Variants in ZDHHC15 observed in about 807,000 individuals in gnomAD.
The protein encoded by ZDHHC15 is palmitoyltransferase ZDHHC15.
A neutral mutation model predicts 31.7 loss-of-function variants in ZDHHC15; 19 were observed. That is an observed-to-expected ratio of 0.60 (90% CI 0.42 to 0.88). The LOEUF is 0.88. Among genes scored for constraint, ZDHHC15 ranks in the 40% least tolerant of loss-of-function variants. The probability of loss-of-function intolerance (pLI) is 0.00; values close to 1 mark genes in which losing one functional copy is unlikely to be tolerated. For synonymous variants in ZDHHC15, 103 were observed against 90.0 expected (o/e 1.14, Z -0.82); for missense variants, 209 against 251.2 (o/e 0.83, Z 1.14).
At chrX:75,455,291 G>T (rs895801988) in intron 3 of ZDHHC15, among the ~76,000 whole-genome samples, 1 of 111,512 alleles carries the variant, frequency 9.0e-6, no homozygotes, top group South Asian at 3.8e-4. Context: ...TTAATAAATG[G>T]TGCTGGGAAA....
chrX:75,373,743 T>A (rs1209130737), intron 11 of ZDHHC15, among the ~76,000 whole-genome samples: 6 of 110,998 alleles, frequency 5.4e-5, no homozygotes, highest in Non-Finnish European at 9.4e-5. Flanking sequence ...TTTTGATACA[T>A]GCATGCAATG....
intron 3 of ZDHHC15, among the ~76,000 whole-genome samples, chrX:75,472,595 C>A (rs958124937): frequency 3.6e-5 from 4 of 111,814 alleles, no homozygotes; most frequent in African/African-American, 1.3e-4. Context: ...ATATTTGTAT[C>A]CCATGTGAGT....
chrX:75,387,659 G>C (rs1453458207), intron 10 of ZDHHC15, among the ~76,000 whole-genome samples: 1 of 111,815 alleles, frequency 8.9e-6, no homozygotes, highest in African/African-American at 3.2e-5. Context: ...ACAAGATACA[G>C]AAAACTGCCT....
chrX:75,449,423 C>T (rs988785821), intron 4 of ZDHHC15, among the ~76,000 whole-genome samples: 4 of 111,295 alleles, frequency 3.6e-5, no homozygotes, highest in African/African-American at 1.3e-4. Flanking sequence ...GCAAAGGTAC[C>T]GTGGTAAGTA....
intron 4 of ZDHHC15, 145 bp downstream of exon 4, chrX:75,450,657 T>G: frequency 1.7e-6 from 2 of 1,150,008 alleles, no homozygotes; most frequent in Non-Finnish European, 2.3e-6. Flanking sequence ...TTAAAATTTT[T>G]TAGAAATAAA....
intron 10 of ZDHHC15, among the ~76,000 whole-genome samples, chrX:75,382,419 A>G (rs1315823798): frequency 8.9e-6 from 1 of 111,924 alleles, no homozygotes; most frequent in Non-Finnish European, 1.9e-5. Context: ...AACATGGGGG[A>G]AAAGTTACTT....
chrX:75,470,826 G>T (rs2084493122), intron 3 of ZDHHC15, among the ~76,000 whole-genome samples: 1 of 111,474 alleles, frequency 9.0e-6, no homozygotes, highest in Non-Finnish European at 1.9e-5. Context: ...TAGGGTGAGG[G>T]TTATTATGGT....
At chrX:75,413,870 C>A (rs1202523341) in intron 10 of ZDHHC15, among the ~76,000 whole-genome samples, 1 of 109,114 alleles carries the variant, frequency 9.2e-6, no homozygotes, top group Non-Finnish European at 1.9e-5. Flanking sequence ...CAGGCAAGCT[C>A]TGACCCACAG....
intron 10 of ZDHHC15, among the ~76,000 whole-genome samples, chrX:75,380,774 C>T (rs959012621): frequency 5.4e-5 from 6 of 111,570 alleles, no homozygotes; most frequent in Non-Finnish European, 9.4e-5. Flanking sequence ...CTACACCTGC[C>T]CTTGCTGCCT....
At chrX:75,421,670 C>T (rs781058644) in intron 9 of ZDHHC15, among the ~76,000 whole-genome samples, 194 bp downstream of exon 9, 15 of 104,363 alleles carry the variant, frequency 1.4e-4, no homozygotes, top group African/African-American at 4.9e-4. Flanking sequence ...CACACTGCCA[C>T]AAAGAAAGCA....
Position 75,442,410 on chromosome X carries a change from T to A in ZDHHC15, c.379+8392A>T, listed in dbSNP as rs1462153567. Among the ~76,000 whole-genome samples the A allele has an allele frequency of 3.6e-5, 4 of 111,470 alleles. No homozygotes were observed. The East Asian group carries it at 1.1e-3, about 32-fold the overall frequency. On this transcript the variant is annotated intron_variant, in intron 4 of 11. Transcript: ENST00000373367. ...ATTGTATATCTAGAAAACCCCATTG[T>A]TTCAGCCCAAAATCTCCTTAAGCTG...
At position 75,431,625 on chromosome X, in the gene ZDHHC15, G is replaced by T. The variant is rs1428918900; in HGVS notation, c.380-105C>A. The stretch of plus-strand genomic sequence containing the variant: ...ACTTGTTATGCACTGATTATAGATA[G>T]TCAAACTCATCTCAAGTTACCAAGC... On this transcript the variant is annotated intron_variant, in intron 4 of 11. Coordinates refer to ENST00000373367, the MANE Select transcript of ZDHHC15 (RefSeq NM_144969.3). 6.5e-6 allele frequency: 4 copies of T among 615,731 alleles called. No homozygotes were observed. The African/African-American group carries it at 6.8e-5, about 11-fold the overall frequency. The allele number at this position is 615,731 out of a possible 1,213,427, so 50.7% of individuals were successfully genotyped here.
chrX:75,517,936 G>T (rs1371229308), intron 1 of ZDHHC15, among the ~76,000 whole-genome samples: 1 of 108,862 alleles, frequency 9.2e-6, no homozygotes, highest in Non-Finnish European at 1.9e-5. Context: ...TTTGAGATCA[G>T]CCTGGGCAAC....
intron 4 of ZDHHC15, among the ~76,000 whole-genome samples, chrX:75,438,987 T>A (rs1016722244): frequency 1.8e-5 from 2 of 111,658 alleles, no homozygotes; most frequent in African/African-American, 6.5e-5. Flanking sequence ...AGGACCCAAA[T>A]CCCTTCTAGT....
chrX:75,375,813 T>G, intron 11 of ZDHHC15, among the ~76,000 whole-genome samples: 1 of 112,143 alleles, frequency 8.9e-6, no homozygotes, highest in Non-Finnish European at 1.9e-5. Context: ...CCTCTGTTGA[T>G]GGACACCTAG....
intron 10 of ZDHHC15, among the ~76,000 whole-genome samples, chrX:75,409,153 C>A (rs1271099437): frequency 9.0e-6 from 1 of 111,223 alleles, no homozygotes; most frequent in Non-Finnish European, 1.9e-5. Context: ...CAATCCTGAA[C>A]AAAAAGAACA....
intron 1 of ZDHHC15, among the ~76,000 whole-genome samples, chrX:75,516,077 A>G (rs1401261899): frequency 2.7e-5 from 3 of 111,953 alleles, no homozygotes; most frequent in Middle Eastern, 4.2e-3. Context: ...GCTCAATTAA[A>G]TAAAAGAGGA....
At chrX:75,482,002 C>T (rs1360344651) in intron 2 of ZDHHC15, among the ~76,000 whole-genome samples, 1 of 111,794 alleles carries the variant, frequency 8.9e-6, no homozygotes, top group Admixed American at 9.5e-5. Context: ...CCTTGTTTTT[C>T]AGCTATTTGA....
chrX:75,451,943 A>G (rs141502654), intron 3 of ZDHHC15, among the ~76,000 whole-genome samples: 2,029 of 111,655 alleles, frequency 0.018, 55 homozygotes, highest in African/African-American at 0.062. Flanking sequence ...AATTGTAAAG[A>G]CCATCGATGC....
Sources: gnomAD v4.1 joint callset for allele counts (sites outside exome capture counted in the v4.1 genomes callset) on GRCh38, gnomAD v4.1.1 for gene constraint, MANE v1.5 for transcripts, NCBI Gene and HGNC (gene_info 2026-07-23, HGNC 2026-07-21) for gene names.